PFKFB3: variants seen among roughly 807,000 people sequenced by gnomAD.
PFKFB3 encodes 6-phosphofructo-2-kinase/fructose-2,6-bisphosphatase 3.
A neutral mutation model predicts 68.0 loss-of-function variants in PFKFB3; 33 were observed. The observed-to-expected ratio is 0.49, with a 90% CI of 0.37 to 0.65. PFKFB3 has a LOEUF of 0.65. Ranked by LOEUF, PFKFB3 falls within the 30% of genes least tolerant of loss-of-function variation. The probability of loss-of-function intolerance (pLI) is 0.00; values close to 1 mark genes in which losing one functional copy is unlikely to be tolerated. For missense variants in PFKFB3, 586 were observed against 712.2 expected (o/e 0.82, Z 2.02); for synonymous variants, 315 against 288.2 (o/e 1.09, Z -0.94).
At chr10:6,187,472 G>T (rs961764028) in intron 1 of PFKFB3, among the ~76,000 whole-genome samples, 3 of 152,150 alleles carry the variant, frequency 2.0e-5, no homozygotes, top group African/African-American at 7.2e-5. Flanking sequence ...TTTATATTAC[G>T]CTGTCTCATG....
upstream of PFKFB3, among the ~76,000 whole-genome samples, chr10:6,200,674 G>A (rs11257214): frequency 1.6e-5 from 2 of 124,090 alleles, no homozygotes; most frequent in Admixed American, 7.5e-5. Context: ...GGGGGGGGGG[G>A]GCGGGGGGTG....
intron 1 of PFKFB3, among the ~76,000 whole-genome samples, chr10:6,205,365 A>G (rs1331251253): frequency 7.1e-6 from 1 of 141,000 alleles, no homozygotes; most frequent in East Asian, 2.0e-4. Context: ...CATTTGGGAC[A>G]TTGGGTGGGT....
exon 1 of PFKFB3, chr10:6,144,937 G>A: frequency 8.2e-7 from 1 of 1,226,328 alleles, no homozygotes. Flanking sequence ...CGGGGCTGCC[G>A]CTTGGACGTC....
intron 1 of PFKFB3, among the ~76,000 whole-genome samples, chr10:6,192,139 TACACACAC>T (rs60638987): frequency 1.5e-3 from 174 of 119,140 alleles, no homozygotes; most frequent in South Asian, 9.8e-3. Flanking sequence ...CATTCCCCAA[TACACACAC>T]ACACACACAC....
the PFKFB3 span, among the ~76,000 whole-genome samples, chr10:6,270,154 AAAC>A: frequency 2.0e-5 from 3 of 152,112 alleles, no homozygotes; most frequent in African/African-American, 7.2e-5. Context: ...AAACAAAACA[AAAC>A]AACAACAACG....
the PFKFB3 span, among the ~76,000 whole-genome samples, chr10:6,291,218 A>T: frequency 6.6e-6 from 1 of 152,186 alleles, no homozygotes; most frequent in Non-Finnish European, 1.5e-5. Flanking sequence ...CAAATGCCAA[A>T]GTTAAGTATT....
At chr10:6,310,465 A>T in the PFKFB3 span, among the ~76,000 whole-genome samples, 1 of 148,872 alleles carries the variant, frequency 6.7e-6, no homozygotes, top group Non-Finnish European at 1.5e-5. Context: ...CATTAAAAAG[A>T]TATTCGAAAA....
chr10:6,224,435 A>G (rs1285879675), intron 13 of PFKFB3: 4 of 632,408 alleles, frequency 6.3e-6, no homozygotes, highest in Non-Finnish European at 1.1e-5. Flanking sequence ...TCTTCCTCCC[A>G]TTTCTGCTGA....
intron 14 of PFKFB3, among the ~76,000 whole-genome samples, chr10:6,251,677 AAG>A (rs1423383761): frequency 6.6e-6 from 1 of 152,144 alleles, no homozygotes; most frequent in Non-Finnish European, 1.5e-5. Context: ...AGAGACAAAT[AAG>A]AGAGGCCTTG....
At chr10:6,173,567 G>A (rs932629842) in intron 1 of PFKFB3, among the ~76,000 whole-genome samples, 6 of 152,148 alleles carry the variant, frequency 3.9e-5, no homozygotes, top group Non-Finnish European at 7.3e-5. Flanking sequence ...AAGTATTTGA[G>A]GTAGTGCAGA....
At chr10:6,275,081 G>A in the PFKFB3 span, among the ~76,000 whole-genome samples, 1 of 152,140 alleles carries the variant, frequency 6.6e-6, no homozygotes. This position sits in a 1 kb window ranked among gnomAD's most constrained non-coding sequence, Gnocchi z 4.9. Flanking sequence ...GGGGTCTGTG[G>A]TTAGGCGACT....
the PFKFB3 span, among the ~76,000 whole-genome samples, chr10:6,287,648 T>C: frequency 6.6e-6 from 1 of 152,100 alleles, no homozygotes; most frequent in Non-Finnish European, 1.5e-5. Flanking sequence ...TCAGAATACG[T>C]CCCTGCCATT....
At chr10:6,314,590 A>AC in the PFKFB3 span, among the ~76,000 whole-genome samples, 1 of 151,978 alleles carries the variant, frequency 6.6e-6, no homozygotes, top group Non-Finnish European at 1.5e-5. Flanking sequence ...GACTTCTTCA[A>AC]CCCCCCACTC....
rs899495236 is a variant in PFKFB3 at position 6,229,337 on chromosome 10, C to G, written c.1515+2972C>G. Among the ~76,000 whole-genome samples the G allele has an allele frequency of 6.6e-6, 1 of 152,216 alleles. No homozygotes were observed. The highest frequency in any genetic ancestry group is 1.5e-5 in the Non-Finnish European group (1 of 68,042). On this transcript the variant is annotated intron_variant, in intron 14 of 14. Coordinates refer to ENST00000379775, the MANE Select transcript of PFKFB3 (RefSeq NM_004566.4). This position sits in a 1 kb window ranked among gnomAD's most constrained non-coding sequence, Gnocchi z 4.3. ...TGAGGGGCTGAGTGACCGGCCCGTG[C>G]TTCCAGCAGGTGAGCCGCAGAGCCG... is the stretch of plus-strand genomic sequence containing the variant.
rs535397094 is a variant in PFKFB3, at chr10:6,250,274, A to C, written c.1516-3904A>C. On this transcript the variant is annotated intron_variant, in intron 14 of 14. Coordinates refer to the PFKFB3 transcript ENST00000640683. ...GTGTTGCCAATGTGACAGTATTAAG[A>C]GGCGGGGTCGGCCAGGCGCAGTGGC... is the stretch of plus-strand genomic sequence containing the variant. 4.6e-5 allele frequency among the ~76,000 whole-genome samples: 7 copies of C among 152,246 alleles called. No homozygotes were observed. In the South Asian group the frequency reaches 1.5e-3, roughly 32 times the overall value.
intron 1 of PFKFB3, among the ~76,000 whole-genome samples, chr10:6,195,097 C>T (rs1843141471): frequency 6.6e-6 from 1 of 152,158 alleles, no homozygotes; most frequent in African/African-American, 2.4e-5. Context: ...GTCTTGAACT[C>T]CTGAGCTAAA....
At chr10:6,178,266 C>T (rs1460436841) in intron 1 of PFKFB3, among the ~76,000 whole-genome samples, 1 of 152,176 alleles carries the variant, frequency 6.6e-6, no homozygotes, top group African/African-American at 2.4e-5. Context: ...TTCATTCCTC[C>T]TCCACTCACC....
downstream of PFKFB3, among the ~76,000 whole-genome samples, chr10:6,258,208 A>G (rs1341927): frequency 0.95 from 143,986 of 152,272 alleles, 68,596 homozygotes; most frequent in East Asian, 1. Context: ...AAAAAGAAAT[A>G]TGTGTATGCA....
chr10:6,188,348 G>A lies in PFKFB3; in HGVS notation c.17-25275G>A, dbSNP rs1347946174. 2.6e-5 allele frequency among the ~76,000 whole-genome samples: 4 copies of A among 151,318 alleles called. No individual in the cohort carries two copies. The South Asian group carries it at 6.3e-4, about 24-fold the overall frequency. On this transcript the variant is annotated intron_variant, in intron 1 of 14. Coordinates refer to the PFKFB3 transcript ENST00000379789. ...AGCAAAATCAAGAACAACATTTAGA[G>A]TGATTCAAGGTTTCATCCAGGCTCA... is the stretch of plus-strand genomic sequence containing the variant.
Sources: gnomAD v4.1 joint callset for allele counts (sites outside exome capture counted in the v4.1 genomes callset) on GRCh38, gnomAD v4.1.1 for gene constraint, Gnocchi (gnomAD v3.1) non-coding constraint, MANE v1.5 for transcripts, NCBI Gene and HGNC (gene_info 2026-07-23, HGNC 2026-07-21) for gene names.